The following MCM10 variants were observed in gnomAD, a reference collection of about 807,000 sequenced individuals.
The protein encoded by MCM10 is minichromosome maintenance 10 replication initiation factor.
Under a neutral mutation model 109.9 loss-of-function variants are expected in MCM10, and 91 were observed. The ratio of observed to expected loss-of-function variants is 0.83; its 90% CI spans 0.70 to 0.99. The LOEUF is 0.99. Ranked by LOEUF, MCM10 falls within the 50% of genes least tolerant of loss-of-function variation. The probability of loss-of-function intolerance (pLI) is 0.00; values close to 1 mark genes in which losing one functional copy is unlikely to be tolerated. For synonymous variants in MCM10, 380 were observed against 387.2 expected (o/e 0.98, Z 0.22); for missense variants, 1,077 against 1,061.2 (o/e 1.01, Z -0.21).
In MCM10 at chr10:13,197,312, C is replaced by G. The variant is rs1000416453; in HGVS notation, c.1975-311C>G. 5.3e-5 allele frequency among the ~76,000 whole-genome samples: 8 copies of G among 152,154 alleles called. No homozygotes were observed. The South Asian group carries it at 1.0e-3, about 20-fold the overall frequency. On this transcript the variant is annotated intron_variant, in intron 14 of 19. Coordinates refer to ENST00000378714, the MANE Select transcript of MCM10 (RefSeq NM_018518.5). ...CTGGCTGGAACTTTATCTTAATTCT[C>G]TCTGATTCTAAAACTTCCAAAATGG... is the stretch of plus-strand genomic sequence containing the variant.
intron 13 of MCM10, among the ~76,000 whole-genome samples, chr10:13,194,673 G>A (rs1403123980): frequency 6.6e-6 from 1 of 152,222 alleles, no homozygotes; most frequent in African/African-American, 2.4e-5. Context: ...ATGCAGGGAG[G>A]TGCAATGAGT....
In MCM10 at chr10:13,180,485, G is replaced by A. The variant is rs142541762; in HGVS notation, c.808G>A (p.Gly270Ser). 138 of 1,613,726 alleles carry A rather than the reference G, an allele frequency of 8.6e-5. No homozygotes were observed. The African/African-American group carries it at 1.3e-3, about 16-fold the overall frequency. The change falls in exon 7 of 20, where the codon GGC (glycine) becomes AGC (serine). Residue 270 changes from glycine to serine, a missense_variant. Coordinates refer to ENST00000378714, the MANE Select transcript of MCM10 (RefSeq NM_018518.5). ...CACAGAAATGAACAAGAAAATGACC[G>A]GCCGAAAACTGATCAGACTGTCTCA... The part of the protein sequence containing the change: ...SSTEMNKKMT[G>S]RKLIRLSQIK...
At chr10:13,194,955 C>A in intron 13 of MCM10, 86 bp from the exon 14 acceptor site, 1 of 1,246,182 alleles carries the variant, frequency 8.0e-7, no homozygotes, top group Non-Finnish European at 1.1e-6. Context: ...TGGTGGCCTG[C>A]CTGCCGCCTC....
chr10:13,177,551 A>G (rs1240708447), intron 6 of MCM10, among the ~76,000 whole-genome samples: 1 of 124,846 alleles, frequency 8.0e-6, no homozygotes, highest in Admixed American at 9.2e-5. Context: ...ACTCATTGTT[A>G]CAGAAAAAAC....
At chr10:13,189,195 T>C (rs1834316190) in intron 10 of MCM10, 115 bp downstream of exon 10, 2 of 1,066,068 alleles carry the variant, frequency 1.9e-6, no homozygotes, top group East Asian at 5.0e-5. Context: ...TTATCTTTCA[T>C]AACTCACTAC....
At chr10:13,186,928 G>C (rs1834282315) in intron 9 of MCM10, among the ~76,000 whole-genome samples, 1 of 152,188 alleles carries the variant, frequency 6.6e-6, no homozygotes, top group South Asian at 2.1e-4. Context: ...GAAGGCAGAG[G>C]TTTCAGTGAG....
At chr10:13,165,707 TCTA>T (rs1047123416) in intron 2 of MCM10, among the ~76,000 whole-genome samples, 7 of 151,966 alleles carry the variant, frequency 4.6e-5, no homozygotes, top group African/African-American at 1.7e-4. Context: ...AAACCCCATT[TCTA>T]CTAAAACTAC....
intron 2 of MCM10, among the ~76,000 whole-genome samples, chr10:13,167,180 C>T (rs180822384): frequency 2.8e-4 from 42 of 152,188 alleles, no homozygotes; most frequent in African/African-American, 8.4e-4. Flanking sequence ...AGCATGGTAG[C>T]GAGTCTTTCT....
At chr10:13,165,960 C>T (rs1328831445) in intron 2 of MCM10, among the ~76,000 whole-genome samples, 7 of 151,376 alleles carry the variant, frequency 4.6e-5, no homozygotes, top group Admixed American at 1.3e-4. Context: ...ACAATTTGGC[C>T]GGTGTAGAGG....
intron 3 of MCM10, among the ~76,000 whole-genome samples, chr10:13,171,675 T>G (rs1834075365): frequency 6.6e-6 from 1 of 152,218 alleles, no homozygotes; most frequent in African/African-American, 2.4e-5. Context: ...ATGTTTAAGC[T>G]ATAGTAAAAT....
chr10:13,196,782 G>A (rs1393201284), intron 14 of MCM10, among the ~76,000 whole-genome samples: 2 of 152,086 alleles, frequency 1.3e-5, no homozygotes, highest in East Asian at 3.9e-4. Flanking sequence ...CAAAGTGCTG[G>A]GATTACAGGC....
chr10:13,177,982 T>A (rs1220766293), intron 6 of MCM10, among the ~76,000 whole-genome samples: 1 of 152,204 alleles, frequency 6.6e-6, no homozygotes, highest in African/African-American at 2.4e-5. Context: ...ATTTTTGCTT[T>A]GGTTACCTGT....
chr10:13,199,709 G>A (rs1439917160), intron 16 of MCM10, among the ~76,000 whole-genome samples: 1 of 152,204 alleles, frequency 6.6e-6, no homozygotes. Context: ...TAAATGCAGA[G>A]GCAGAACTAG....
chr10:13,204,781 G>C (rs1311063692), intron 18 of MCM10, among the ~76,000 whole-genome samples: 1 of 151,968 alleles, frequency 6.6e-6, no homozygotes, highest in African/African-American at 2.4e-5. Context: ...ATTGGTCCCA[G>C]GACAGCACTC....
chr10:13,198,550 G>C (rs1834452986), intron 15 of MCM10, 139 bp from the exon 16 acceptor site: 1 of 644,944 alleles, frequency 1.6e-6, no homozygotes, highest in African/African-American at 1.8e-5. Flanking sequence ...GCTTTTCCCT[G>C]CTGGGACCAG....
At chr10:13,167,586 G>T (rs563195496) in intron 2 of MCM10, among the ~76,000 whole-genome samples, 116 of 87,762 alleles carry the variant, frequency 1.3e-3, no homozygotes, top group African/African-American at 4.4e-3. Flanking sequence ...GGGGAGGACC[G>T]GGGGGGGCAT....
intron 18 of MCM10, among the ~76,000 whole-genome samples, chr10:13,204,744 T>C (rs1834548214): frequency 6.6e-6 from 1 of 152,114 alleles, no homozygotes; most frequent in African/African-American, 2.4e-5. Flanking sequence ...TTGTGAGGAC[T>C]CTGCTGTTCT....
rs556557617 is a variant in MCM10, at chr10:13,210,478, T to C, written c.*1168T>C. On this transcript the variant is annotated 3_prime_UTR_variant, in exon 20 of 20. Coordinates refer to ENST00000378714, the MANE Select transcript of MCM10 (RefSeq NM_018518.5). ...TGGGTAAATTGGTTGAATTATTGTA[T>C]TGAAGCTTGAGCTGTAGCTAAAAGT... 6.6e-6 allele frequency: 1 copy of C among 152,338 alleles called. No individual in the cohort carries two copies. Among genetic ancestry groups the C allele is most frequent in the South Asian group, 2.1e-4 (1 of 4,828 alleles). 9.4% of individuals were successfully genotyped at this position (152,338 alleles called of 1,614,324 possible).
In MCM10 at chr10:13,182,755, G is replaced by A. The variant is rs1398377708; in HGVS notation, c.931-178G>A. On this transcript the variant is annotated intron_variant, in intron 7 of 19. Transcript: ENST00000378714. This position sits in a 1 kb window ranked among gnomAD's most constrained non-coding sequence, Gnocchi z 4.2. ...ATGAGAAGGGTAATAGAATGCAAAA[G>A]CCTAGAGAATGGGTTAAAGTTATCA... Among the ~76,000 whole-genome samples, 2 of 152,138 alleles carry A rather than the reference G, an allele frequency of 1.3e-5. No homozygotes were observed. The highest frequency in any genetic ancestry group is 4.8e-5 in the African/African-American group (2 of 41,450).
Sources: allele counts gnomAD v4.1 joint callset (sites outside exome capture counted in the v4.1 genomes callset), GRCh38; gene constraint gnomAD v4.1.1; non-coding constraint Gnocchi (gnomAD v3.1); transcripts MANE v1.5; gene names NCBI Gene and HGNC (gene_info 2026-07-23, HGNC 2026-07-21).